Variants in CARMIL1 observed in about 807,000 individuals in gnomAD.
CARMIL1 encodes capping protein regulator and myosin 1 linker 1.
A neutral mutation model predicts 177.1 loss-of-function variants in CARMIL1; 90 were observed. The ratio of observed to expected loss-of-function variants is 0.51; its 90% CI spans 0.43 to 0.61. CARMIL1 has a LOEUF of 0.61. Among genes scored for constraint, CARMIL1 ranks in the 20% least tolerant of loss-of-function variants. The pLI is 0.00. For missense variants in CARMIL1, 1,380 were observed against 1,667.0 expected, an observed-to-expected ratio of 0.83 and a Z score of 3.00; for synonymous variants, 577 against 606.2, an observed-to-expected ratio of 0.95 and a Z score of 0.71.
chr6:25,308,072 A>G (rs1783421722), intron 2 of CARMIL1, among the ~76,000 whole-genome samples: 1 of 152,234 alleles, frequency 6.6e-6, no homozygotes, highest in Non-Finnish European at 1.5e-5. Context: ...AGATTAGGCT[A>G]CATATTTCAC....
At chr6:25,517,293 G>A (rs1806096397) in intron 21 of CARMIL1, 54 bp from the exon 22 acceptor site, 2 of 1,359,982 alleles carry the variant, frequency 1.5e-6, no homozygotes, top group Non-Finnish European at 2.1e-6. Flanking sequence ...TATTCAATGT[G>A]AGAATCATTT....
intron 17 of CARMIL1, among the ~76,000 whole-genome samples, chr6:25,503,131 C>T (rs965267181): frequency 2.6e-5 from 4 of 152,096 alleles, no homozygotes; most frequent in African/African-American, 7.2e-5. Context: ...GGTTAATCTC[C>T]GATGATGAGC....
chr6:25,465,382 TG>T (rs1392557990), intron 8 of CARMIL1, among the ~76,000 whole-genome samples: 1 of 152,066 alleles, frequency 6.6e-6, no homozygotes, highest in Non-Finnish European at 1.5e-5. Context: ...TAGCCAGGCA[TG>T]GTGGCGCGTG....
intron 2 of CARMIL1, among the ~76,000 whole-genome samples, chr6:25,357,918 G>A (rs531759686): frequency 2.6e-5 from 4 of 152,210 alleles, no homozygotes; most frequent in Admixed American, 1.3e-4. Context: ...GTTTGAAATC[G>A]TACATTTTAT....
intron 17 of CARMIL1, 133 bp downstream of exon 17, chr6:25,500,368 A>G: frequency 1.3e-6 from 1 of 742,566 alleles, no homozygotes; most frequent in South Asian, 1.8e-5. Context: ...ACAAGTTTCT[A>G]ATGTTCTGTA....
At position 25,435,527 on chromosome 6, in the gene CARMIL1, G is replaced by A. The variant is rs114775990; in HGVS notation, c.294G>A (p.Ala98=). Residue 98 remains alanine (A), a synonymous_variant, in exon 5 of 37, where the codon GCG becomes GCA. Transcript: ENST00000329474. ...TEKCSISMKM[A]SPEDVSEVLA... is the part of the protein sequence containing the mutation. The stretch of plus-strand genomic sequence containing the variant: ...AGTGCAGCATTTCCATGAAGATGGC[G>A]TCACCCGAGGACGTGAGTGAGGTGC... 37 of 1,553,482 alleles carry A rather than the reference G, an allele frequency of 2.4e-5. No individual in the cohort carries two copies. The highest frequency in any genetic ancestry group is 4.1e-5 in the African/African-American group (3 of 73,324).
chr6:25,471,054 T>TTA, intron 9 of CARMIL1, 115 bp from the exon 10 acceptor site: 1 of 592,690 alleles, frequency 1.7e-6, no homozygotes, highest in Non-Finnish European at 2.9e-6. Flanking sequence ...CATTCAAGGT[T>TTA]TATTGAATGA....
At chr6:25,404,780 G>A (rs549711690) in intron 2 of CARMIL1, among the ~76,000 whole-genome samples, 1 of 151,682 alleles carries the variant, frequency 6.6e-6, no homozygotes, top group African/African-American at 2.4e-5. Flanking sequence ...AAATAGAGGT[G>A]CAGTGTTCCC....
chr6:25,606,587 G>A (rs753754353), intron 35 of CARMIL1, among the ~76,000 whole-genome samples: 4 of 152,166 alleles, frequency 2.6e-5, no homozygotes, highest in East Asian at 3.8e-4. Context: ...TGTAGTGCTC[G>A]GCTTGGCTTT....
chr6:25,288,397 A>C (rs188115378), intron 2 of CARMIL1, among the ~76,000 whole-genome samples: 28 of 152,008 alleles, frequency 1.8e-4, no homozygotes, highest in South Asian at 1.2e-3. Context: ...GTATAATGAA[A>C]TATTAAGGCT....
intron 2 of CARMIL1, among the ~76,000 whole-genome samples, chr6:25,406,766 A>G (rs1313599990): frequency 1.3e-5 from 2 of 152,164 alleles, no homozygotes; most frequent in Admixed American, 6.5e-5. Context: ...TTTTGAAAGA[A>G]AGATCATGGT....
intron 2 of CARMIL1, among the ~76,000 whole-genome samples, chr6:25,378,353 TACACA>T (rs1207263375): frequency 3.3e-5 from 5 of 152,214 alleles, no homozygotes; most frequent in African/African-American, 1.2e-4. Flanking sequence ...TTGGTCTCCC[TACACA>T]GCAGGGGCAC....
At chr6:25,523,742 A>C (rs753585464) in intron 23 of CARMIL1, among the ~76,000 whole-genome samples, 1 of 152,224 alleles carries the variant, frequency 6.6e-6, no homozygotes, top group African/African-American at 2.4e-5. Context: ...CCACAAGGAA[A>C]ACTATCACCC....
chr6:25,321,280 GC>G lies in CARMIL1; in HGVS notation c.138+36372del, dbSNP rs755126846. The stretch of plus-strand genomic sequence containing the variant: ...TTGGAGGAATTTAGGGGGTTCTGTG[GC>G]AAAACAAGAATAGAGTCTTTGCATT... On this transcript the variant is annotated intron_variant, in intron 2 of 36. Coordinates refer to ENST00000329474, the MANE Select transcript of CARMIL1 (RefSeq NM_017640.6). Among the ~76,000 whole-genome samples, 7 of 152,308 alleles carry G rather than the reference GC, an allele frequency of 4.6e-5. No individual in the cohort carries two copies. In the East Asian group the frequency reaches 1.3e-3, roughly 29 times the overall value.
intron 2 of CARMIL1, among the ~76,000 whole-genome samples, chr6:25,357,557 C>T (rs1581674104): frequency 6.6e-6 from 1 of 151,984 alleles, no homozygotes; most frequent in African/African-American, 2.4e-5. Flanking sequence ...GCACTCTAGC[C>T]TAGGGGACAG....
Position 25,515,608 on chromosome 6 carries a change from A to G in CARMIL1, c.1633-67A>G, listed in dbSNP as rs1045493803. 2 of 1,419,416 alleles carry G rather than the reference A, an allele frequency of 1.4e-6. No individual in the cohort carries two copies. The highest frequency in any genetic ancestry group is 1.9e-6 in the Non-Finnish European group (2 of 1,047,164). 87.9% of individuals were successfully genotyped at this position (1,419,416 alleles called of 1,614,324 possible). On this transcript the variant is annotated intron_variant, in intron 20 of 36. Coordinates refer to ENST00000329474, the MANE Select transcript of CARMIL1 (RefSeq NM_017640.6). The surrounding 1 kb of genome is among the most constrained non-coding windows in gnomAD (Gnocchi z 5.0). ...TCCATCCCCTCTCATTCTCCACGAAATGCGTCGTGGAGAGTGGGTGCTGCT... is the reference window on the plus strand; with the variant it reads ...TCCATCCCCTCTCATTCTCCACGAAGTGCGTCGTGGAGAGTGGGTGCTGCT...
chr6:25,532,216 A>G (rs918752331), intron 24 of CARMIL1, among the ~76,000 whole-genome samples: 1 of 151,792 alleles, frequency 6.6e-6, no homozygotes, highest in Non-Finnish European at 1.5e-5. Context: ...CTCCTGCCTC[A>G]GCCTGTCTTT....
chr6:25,422,712 G>A (rs1425950052), intron 3 of CARMIL1, among the ~76,000 whole-genome samples: 1 of 152,118 alleles, frequency 6.6e-6, no homozygotes, highest in Non-Finnish European at 1.5e-5. Flanking sequence ...AATTTTATGG[G>A]CTTAGGAAAA....
chr6:25,462,683 T>C (rs1582038326), intron 8 of CARMIL1, among the ~76,000 whole-genome samples: 1 of 152,330 alleles, frequency 6.6e-6, no homozygotes, highest in African/African-American at 2.4e-5. Context: ...GGTGAGCCAT[T>C]CCCCATTTAC....
Sources: gnomAD v4.1 joint callset for allele counts (sites outside exome capture counted in the v4.1 genomes callset) on GRCh38, gnomAD v4.1.1 for gene constraint, Gnocchi (gnomAD v3.1) non-coding constraint, MANE v1.5 for transcripts, NCBI Gene and HGNC (gene_info 2026-07-23, HGNC 2026-07-21) for gene names.